The following CFAP20DC variants were observed in gnomAD, a reference collection of about 807,000 sequenced individuals.
CFAP20DC encodes protein CFAP20DC.
Under a neutral mutation model 101.7 loss-of-function variants are expected in CFAP20DC, and 84 were observed. That is an observed-to-expected ratio of 0.83 (90% CI 0.69 to 0.99). The LOEUF is 0.99. CFAP20DC is among the 50% of genes least tolerant of loss of function. The pLI, the probability that CFAP20DC is intolerant of heterozygous loss-of-function variation, is 0.00. For synonymous variants in CFAP20DC, 359 were observed against 351.2 expected, an observed-to-expected ratio of 1.02 and a Z score of -0.25; for missense variants, 1,007 against 970.3, an observed-to-expected ratio of 1.04 and a Z score of -0.50.
intron 3 of CFAP20DC, among the ~76,000 whole-genome samples, chr3:58,733,328 C>T (rs1346309447): frequency 1.3e-5 from 2 of 151,440 alleles, no homozygotes; most frequent in African/African-American, 2.4e-5. Flanking sequence ...CAAGACTGCA[C>T]ATGTACCCTA....
chr3:58,768,063 T>C (rs2070483394), intron 15 of CFAP20DC, among the ~76,000 whole-genome samples: 1 of 152,210 alleles, frequency 6.6e-6, no homozygotes, highest in Non-Finnish European at 1.5e-5. Flanking sequence ...GCTAAGGGAC[T>C]GTTCAAGACT....
chr3:58,869,643 T>C lies in CFAP20DC; in HGVS notation c.853-153A>G, dbSNP rs981256001. On this transcript the variant is annotated intron_variant, in intron 8 of 16. Coordinates refer to ENST00000482387, the MANE Select transcript of CFAP20DC (RefSeq NM_001394063.1). This position sits in a 1 kb window ranked among gnomAD's most constrained non-coding sequence, Gnocchi z 4.3. ...GATGTGAAGAAAAAGGAAATTATTA[T>C]AGGAAATTAGAAATGGAAGGAGAAA... Among the ~76,000 whole-genome samples the C allele has an allele frequency of 1.3e-5, 2 of 152,056 alleles. No homozygotes were observed. The highest frequency in any genetic ancestry group is 1.9e-4 in the East Asian group (1 of 5,200).
chr3:58,775,970 G>T (rs1277967183), intron 15 of CFAP20DC, among the ~76,000 whole-genome samples: 1 of 151,976 alleles, frequency 6.6e-6, no homozygotes, highest in Admixed American at 6.6e-5. Context: ...TTGGACTCCC[G>T]ACTTCAGGTG....
In CFAP20DC at chr3:58,912,534, T is replaced by A. The variant is rs936796763; in HGVS notation, c.550+1174A>T. 3 of 333,930 alleles carry A rather than the reference T, an allele frequency of 9.0e-6. No homozygotes were observed. The highest frequency in any genetic ancestry group is 6.5e-5 in the African/African-American group (3 of 45,850). 20.7% of individuals were successfully genotyped at this position (333,930 alleles called of 1,614,324 possible). A position where few individuals can be genotyped will look rare whatever the true frequency, so the allele number is the denominator to read the frequency against. ...CACACACCCAGATGGAGCACAAATC[T>A]GAAGTCTAGATAGAAACTTCTAAGT... On this transcript the variant is annotated intron_variant, in intron 6 of 16. Coordinates refer to ENST00000482387, the MANE Select transcript of CFAP20DC (RefSeq NM_001394063.1). The surrounding 1 kb of genome is among the most constrained non-coding windows in gnomAD (Gnocchi z 4.4).
rs186568230 is a variant in CFAP20DC at position 59,015,919 on chromosome 3, C to G, written c.278+23638G>C. The stretch of plus-strand genomic sequence containing the variant: ...AAGCAATGGGCGAGGAACATATGGC[C>G]ACATTTCCATATCTAAGCAGTACCA... On this transcript the variant is annotated intron_variant, in intron 4 of 16. Transcript: ENST00000482387. The surrounding 1 kb of genome is among the most constrained non-coding windows in gnomAD (Gnocchi z 5.4). Among the ~76,000 whole-genome samples the G allele has an allele frequency of 2.0e-5, 3 of 152,146 alleles. No homozygotes were observed. The highest frequency in any genetic ancestry group is 1.3e-4 in the Admixed American group (2 of 15,274).
intron 15 of CFAP20DC, among the ~76,000 whole-genome samples, chr3:58,779,601 C>A (rs73078044): frequency 4.6e-5 from 7 of 152,040 alleles, no homozygotes; most frequent in African/African-American, 7.2e-5. Flanking sequence ...CAGACTAGAT[C>A]GAGCAGAAGA....
intron 4 of CFAP20DC, chr3:58,970,414 A>G (rs2091883528): frequency 6.6e-6 from 1 of 152,172 alleles, no homozygotes; most frequent in Admixed American, 6.6e-5. Context: ...GGAAGCAGAG[A>G]TTGGAGTGAT....
At chr3:58,997,212 A>G (rs960317177) in intron 4 of CFAP20DC, among the ~76,000 whole-genome samples, 1 of 152,214 alleles carries the variant, frequency 6.6e-6, no homozygotes, top group Non-Finnish European at 1.5e-5. Flanking sequence ...ATTTAATTCT[A>G]TGTGCCCAAT....
At chr3:58,857,075 A>G (rs2078895532) in intron 12 of CFAP20DC, among the ~76,000 whole-genome samples, 1 of 152,194 alleles carries the variant, frequency 6.6e-6, no homozygotes, top group Non-Finnish European at 1.5e-5. Context: ...TAGACACTAT[A>G]CAAGATACAC....
intron 12 of CFAP20DC, chr3:58,862,763 A>G: frequency 1.0e-6 from 1 of 976,582 alleles, no homozygotes; most frequent in Non-Finnish European, 1.2e-6. Flanking sequence ...ATTTTCACTA[A>G]CCCTAAAGTT....
intron 6 of CFAP20DC, among the ~76,000 whole-genome samples, chr3:58,907,160 A>C (rs1023702694): frequency 1.3e-5 from 2 of 151,902 alleles, no homozygotes; most frequent in Non-Finnish European, 2.9e-5. Context: ...CATTTAATGA[A>C]ACAATCAGAA....
chr3:58,939,810 A>C (rs1159137804), intron 4 of CFAP20DC, among the ~76,000 whole-genome samples: 2 of 123,742 alleles, frequency 1.6e-5, no homozygotes, highest in African/African-American at 3.2e-5. Flanking sequence ...CTTGTCGCCC[A>C]GGCTGGAGTG....
intron 4 of CFAP20DC, among the ~76,000 whole-genome samples, chr3:58,952,652 T>G (rs892345695): frequency 6.6e-5 from 10 of 152,026 alleles, no homozygotes; most frequent in African/African-American, 2.4e-4. Flanking sequence ...TTGCAGGCTA[T>G]GACATCTTTT....
chr3:58,748,229 T>G (rs910207997), intron 16 of CFAP20DC, among the ~76,000 whole-genome samples: 2 of 152,208 alleles, frequency 1.3e-5, no homozygotes, highest in Admixed American at 6.5e-5. Context: ...TCCAAGGTAC[T>G]GAGCTCTGAA....
chr3:58,810,493 A>C (rs2107779310), intron 14 of CFAP20DC, among the ~76,000 whole-genome samples: 1 of 152,312 alleles, frequency 6.6e-6, no homozygotes, highest in South Asian at 2.1e-4. Flanking sequence ...GCCTCTGACA[A>C]AATTCAACAA....
chr3:58,809,165 T>A (rs2074384065), intron 14 of CFAP20DC, among the ~76,000 whole-genome samples: 1 of 152,018 alleles, frequency 6.6e-6, no homozygotes, highest in South Asian at 2.1e-4. Flanking sequence ...TTAACAAGGA[T>A]ACCCAGGAAT....
At chr3:58,996,310 T>C (rs1301192954) in intron 4 of CFAP20DC, among the ~76,000 whole-genome samples, 1 of 152,320 alleles carries the variant, frequency 6.6e-6, no homozygotes. Flanking sequence ...TGTGTCTTCC[T>C]GATATCTGGG....
intron 14 of CFAP20DC, among the ~76,000 whole-genome samples, chr3:58,829,346 T>G (rs2076246526): frequency 1.3e-5 from 2 of 151,434 alleles, no homozygotes; most frequent in Admixed American, 6.6e-5. Context: ...AAAGGGATAT[T>G]ATTGTGATGA....
intron 5 of CFAP20DC, among the ~76,000 whole-genome samples, chr3:58,925,893 G>A (rs1489820905): frequency 6.6e-6 from 1 of 152,116 alleles, no homozygotes; most frequent in African/African-American, 2.4e-5. Context: ...AAAATGGGGT[G>A]ACCCTAAAAC....
Sources: allele counts gnomAD v4.1 joint callset (sites outside exome capture counted in the v4.1 genomes callset), GRCh38; gene constraint gnomAD v4.1.1; non-coding constraint Gnocchi (gnomAD v3.1); transcripts MANE v1.5; gene names NCBI Gene and HGNC (gene_info 2026-07-23, HGNC 2026-07-21).